The following TEX14 variants were observed in gnomAD, a reference collection of about 807,000 sequenced individuals.
The protein encoded by TEX14 is inactive serine/threonine-protein kinase TEX14.
In TEX14, 168 loss-of-function variants were observed where a neutral mutation model predicts 178.6. That is an observed-to-expected ratio of 0.94 (90% CI 0.83 to 1.07). The LOEUF (loss-of-function observed/expected upper bound fraction) is 1.07. TEX14 is among the 50% of genes least tolerant of loss of function. The pLI, the probability that TEX14 is intolerant of heterozygous loss-of-function variation, is 0.00. For synonymous variants in TEX14, 626 were observed against 634.1 expected, an observed-to-expected ratio of 0.99 and a Z score of 0.19; for missense variants, 1,730 against 1,753.6, an observed-to-expected ratio of 0.99 and a Z score of 0.24.
intron 15 of TEX14, among the ~76,000 whole-genome samples, chr17:58,588,846 C>T (rs1207740460): frequency 6.6e-6 from 1 of 152,170 alleles, no homozygotes; most frequent in Non-Finnish European, 1.5e-5. Flanking sequence ...AGGAGGATTA[C>T]TTGAGCTCAG....
In TEX14 at chr17:58,621,693, G is replaced by A. The variant is rs374732278; in HGVS notation, c.511C>T (p.Arg171Trp). The change falls in exon 5 of 32, where the codon CGG (arginine) becomes TGG (tryptophan). Residue 171 changes from arginine to tryptophan, a missense_variant. Arg to Trp is a moderately radical substitution (Grantham distance 101). This residue lies in a region of TEX14 where 789 missense variants were observed against 681.2 expected (regional missense o/e 1.16). Coordinates refer to ENST00000349033, the MANE Select transcript of TEX14 (RefSeq NM_031272.5). ...CACCAGGACGGGCTGTAGACAAGCC[G>A]CTGCGGGGAGTCTATCTTCTTCAGG... Reference protein sequence around the residue: ...DLLKKIDSPQRLVYSPSWCGG... With the variant: ...DLLKKIDSPQWLVYSPSWCGG... 56 of 1,614,188 alleles carry A rather than the reference G, an allele frequency of 3.5e-5. No individual in the cohort carries two copies. Among genetic ancestry groups the A allele is most frequent in the African/African-American group, 2.0e-4 (15 of 75,064 alleles).
chr17:58,599,836 G>A (rs1365736282), intron 13 of TEX14, among the ~76,000 whole-genome samples, 170 bp from the exon 14 acceptor site: 1 of 152,114 alleles, frequency 6.6e-6, no homozygotes, highest in Non-Finnish European at 1.5e-5. Context: ...CAAAGGGTGA[G>A]GGAGTATGTG....
At position 58,587,644 on chromosome 17, in the gene TEX14, A is replaced by G. The variant is rs1215601339; in HGVS notation, c.2725T>C (p.Ser909Pro). ...STRMSVEPVS[S>P]EIYNAESRNK... is the part of the protein sequence containing the mutation. ...CTGGACTCTGCATTATAGATTTCAG[A>G]AGAAACAGGTTCCACACTCATCCTG... The change falls in exon 17 of 32, where the codon TCT (serine) becomes CCT (proline). Residue 909 changes from serine (S) to proline (P), a missense_variant. Transcript: ENST00000349033. 5 of 1,606,940 alleles carry G rather than the reference A, an allele frequency of 3.1e-6. No homozygotes were observed. The South Asian group carries it at 4.5e-5, about 14-fold the overall frequency.
chr17:58,625,080 CAA>C (rs2046103382), intron 3 of TEX14, among the ~76,000 whole-genome samples: 1 of 151,772 alleles, frequency 6.6e-6, no homozygotes, highest in African/African-American at 2.4e-5. Context: ...CTCCTTGCTG[CAA>C]AAACAGCTTT....
chr17:58,626,640 G>A (rs907725108), intron 3 of TEX14, among the ~76,000 whole-genome samples: 2 of 148,132 alleles, frequency 1.4e-5, no homozygotes, highest in Non-Finnish European at 3.0e-5. Context: ...CCAGCACTTT[G>A]AGAGGCTGAG....
At chr17:58,588,909 AT>A (rs1367925821) in intron 15 of TEX14, among the ~76,000 whole-genome samples, 12 of 152,182 alleles carry the variant, frequency 7.9e-5, no homozygotes, top group Non-Finnish European at 1.6e-4. Flanking sequence ...CAGAAAAAAA[AT>A]AAACAAATAA....
At chr17:58,618,504 G>A (rs992112075) in intron 5 of TEX14, among the ~76,000 whole-genome samples, 5 of 152,334 alleles carry the variant, frequency 3.3e-5, no homozygotes, top group Admixed American at 1.3e-4. Context: ...GTGATGCCTC[G>A]TATTTCTTTG....
At chr17:58,567,094 G>A (rs1255138909) in intron 26 of TEX14, among the ~76,000 whole-genome samples, 1 of 152,194 alleles carries the variant, frequency 6.6e-6, no homozygotes, top group Non-Finnish European at 1.5e-5. Flanking sequence ...TTGAACCCTG[G>A]AGGTGAAGGT....
At chr17:58,581,638 C>A in intron 19 of TEX14, 1 of 1,613,772 alleles carries the variant, frequency 6.2e-7, no homozygotes, top group South Asian at 1.1e-5. Flanking sequence ...CTTGAGCAGT[C>A]GAGGAGTAAA....
At chr17:58,581,161 A>G (rs968840821) in intron 19 of TEX14, among the ~76,000 whole-genome samples, 6 of 152,024 alleles carry the variant, frequency 3.9e-5, no homozygotes, top group African/African-American at 7.2e-5. Flanking sequence ...AAATACAAAA[A>G]TTAGCTGGGT....
Position 58,631,792 on chromosome 17 carries a change from C to G in TEX14, c.137-1238G>C, listed in dbSNP as rs141753542. 2.0e-5 allele frequency: 3 copies of G among 152,242 alleles called. No homozygotes were observed. In the East Asian group the frequency reaches 5.8e-4, roughly 29 times the overall value. 9.4% of individuals were successfully genotyped at this position (152,242 alleles called of 1,614,324 possible). On this transcript the variant is annotated intron_variant, in intron 2 of 31. Transcript: ENST00000349033. Reference sequence around the variant, plus strand: ...AGCGTTCTACACGTTCAGATATACTCCTCGAGAAACACACTATAGAAATTA... The same window carrying G: ...AGCGTTCTACACGTTCAGATATACTGCTCGAGAAACACACTATAGAAATTA...
intron 21 of TEX14, 132 bp from the exon 22 acceptor site, chr17:58,574,381 A>T (rs2044623776): frequency 1.5e-6 from 1 of 685,762 alleles, no homozygotes. Flanking sequence ...TCAGGAGTAG[A>T]AAGTGTGAGT....
chr17:58,691,573 A>G (rs1263458466), intron 1 of TEX14, among the ~76,000 whole-genome samples: 1 of 150,274 alleles, frequency 6.7e-6, no homozygotes, highest in Non-Finnish European at 1.5e-5. Flanking sequence ...AGGCTGAGGC[A>G]GGAGACTCAC....
chr17:58,586,832 C>T (rs1207131415), intron 17 of TEX14, among the ~76,000 whole-genome samples: 1 of 151,804 alleles, frequency 6.6e-6, no homozygotes, highest in Non-Finnish European at 1.5e-5. Context: ...CCAGGTAGTC[C>T]GGTTTCCTCC....
At chr17:58,609,080 G>A (rs928670729) in intron 10 of TEX14, among the ~76,000 whole-genome samples, 42 of 152,204 alleles carry the variant, frequency 2.8e-4, no homozygotes, top group African/African-American at 1.0e-3. Context: ...ATCTAGAAAA[G>A]TGTCATGGCT....
Position 58,611,228 on chromosome 17 carries a change from A to G in TEX14, c.1117T>C (p.Ser373Pro). 1 of 1,613,894 alleles carries G rather than the reference A, an allele frequency of 6.2e-7. No homozygotes were observed. The highest frequency in any genetic ancestry group is 1.1e-5 in the South Asian group (1 of 91,074). The change falls in exon 10 of 32, where the codon TCC becomes CCC. Residue 373 changes from serine (S) to proline (P), a missense_variant. By Grantham distance (74) the Ser-to-Pro change is moderately conservative (BLOSUM62 -1). Transcript: ENST00000349033. ...FQGFIHRSLS[S>P]YAVHIISPGE... is the part of the protein sequence containing the mutation. The stretch of plus-strand genomic sequence containing the variant: ...GGGGAGATGATATGGACAGCATAGG[A>G]GCTGAGGGAGCGGTGGATAAACCCC...
At chr17:58,604,563 CTTT>C (rs951958808) in intron 11 of TEX14, among the ~76,000 whole-genome samples, 1 of 147,328 alleles carries the variant, frequency 6.8e-6, no homozygotes, top group Non-Finnish European at 1.5e-5. Flanking sequence ...TTTGCTGAGT[CTTT>C]TTTTTTTCTT....
At chr17:58,665,258 C>T (rs1359737446) in intron 1 of TEX14, among the ~76,000 whole-genome samples, 1 of 151,712 alleles carries the variant, frequency 6.6e-6, no homozygotes, top group Non-Finnish European at 1.5e-5. Context: ...TCCCAAAGTA[C>T]TGGGATTACA....
At position 58,576,688 on chromosome 17, in the gene TEX14, C is replaced by A. The variant is rs183187142; in HGVS notation, c.3320+687G>T. ...GCCTGCTTCCCTCCTTTCCCCACCCCTTCCTTAACCCCTGGCAACCACTCA... is the reference window on the plus strand; with the variant it reads ...GCCTGCTTCCCTCCTTTCCCCACCCATTCCTTAACCCCTGGCAACCACTCA... On this transcript the variant is annotated intron_variant, in intron 21 of 31. Transcript: ENST00000349033. Among the ~76,000 whole-genome samples, 6 of 152,310 alleles carry A rather than the reference C, an allele frequency of 3.9e-5. No homozygotes were observed. In the East Asian group the frequency reaches 7.7e-4, roughly 20 times the overall value.
Sources: gnomAD v4.1 joint callset for allele counts (sites outside exome capture counted in the v4.1 genomes callset) on GRCh38, gnomAD v4.1.1 for gene constraint, gnomAD v4.1.1 regional missense constraint, MANE v1.5 for transcripts, NCBI Gene and HGNC (gene_info 2026-07-23, HGNC 2026-07-21) for gene names.